Variants in SLC4A10 observed in about 807,000 individuals in gnomAD.
The protein encoded by SLC4A10 is sodium-driven chloride bicarbonate exchanger.
In SLC4A10, 42 loss-of-function variants were observed where a neutral mutation model predicts 137.7. The observed-to-expected ratio is 0.30, with a 90% CI of 0.24 to 0.39. The LOEUF is 0.39. Ranked by LOEUF, SLC4A10 falls within the 10% of genes least tolerant of loss-of-function variation. The probability of loss-of-function intolerance (pLI) is 1.00; values close to 1 mark genes in which losing one functional copy is unlikely to be tolerated. For synonymous variants in SLC4A10, 474 were observed against 464.1 expected (o/e 1.02, Z -0.27); for missense variants, 925 against 1,355.0 (o/e 0.68, Z 4.98).
At chr2:161,750,392 C>A (rs994767180) in intron 1 of SLC4A10, among the ~76,000 whole-genome samples, 11 of 151,450 alleles carry the variant, frequency 7.3e-5, no homozygotes, top group Non-Finnish European at 7.4e-5. Flanking sequence ...TTATTAATTT[C>A]TCTCTTAGTA....
At position 161,770,977 on chromosome 2, in the gene SLC4A10, A is replaced by C; in HGVS notation, c.53A>C (p.Asn18Thr). Residue 18 changes from asparagine (N) to threonine (T), a missense_variant, in exon 2 of 27, where the codon AAT (asparagine) becomes ACT (threonine). By Grantham distance (65) the Asn-to-Thr change is moderately conservative (BLOSUM62 0). Around this residue, in one of 11 missense-constraint regions of SLC4A10, gnomAD observed 138 missense variants for 171.3 expected, o/e 0.81. Coordinates refer to ENST00000446997, the MANE Select transcript of SLC4A10 (RefSeq NM_001178015.2). ...AQMEPLLPTR[N>T]DEEAVVDRGG... ...TTCCTTATCCTCATTTAACAGAGAA[A>C]TGATGAAGAAGCAGTTGTGGATAGA... 1 of 1,602,896 alleles carries C rather than the reference A, an allele frequency of 6.2e-7. No individual in the cohort carries two copies. The highest frequency in any genetic ancestry group is 1.3e-5 in the African/African-American group (1 of 74,768).
chr2:161,918,490 A>G (rs1427519491), intron 15 of SLC4A10, among the ~76,000 whole-genome samples: 1 of 152,200 alleles, frequency 6.6e-6, no homozygotes, highest in Non-Finnish European at 1.5e-5. Context: ...AAATAAAAAT[A>G]TAAGAATAGA....
At position 161,863,060 on chromosome 2, in the gene SLC4A10, A is replaced by G. The variant is rs2060523764; in HGVS notation, c.764A>G (p.Asn255Ser). The change falls in exon 6 of 27, where the codon AAT (asparagine) becomes AGT (serine). Residue 255 changes from asparagine (N) to serine (S), a missense_variant and splice_region_variant. Asn to Ser is a conservative substitution (Grantham distance 46). This residue lies in a region of SLC4A10 where 277 missense variants were observed against 306.1 expected (regional missense o/e 0.90). Transcript: ENST00000446997. ...KQSEPNSMDK[N>S]AGQVVSPQSA... Reference sequence around the variant, plus strand: ...TCAGAACCAAATTCCATGGACAAAAATGGTAAATGTTTATTTATTGTGCTC... The same window carrying G: ...TCAGAACCAAATTCCATGGACAAAAGTGGTAAATGTTTATTTATTGTGCTC... The G allele has an allele frequency of 6.2e-7, 1 of 1,613,522 alleles. No homozygotes were observed. Among genetic ancestry groups the G allele is most frequent in the Admixed American group, 1.7e-5 (1 of 59,986 alleles).
chr2:161,627,574 A>G (rs369196262), intron 1 of SLC4A10, among the ~76,000 whole-genome samples: 15 of 152,266 alleles, frequency 9.9e-5, no homozygotes, highest in East Asian at 3.9e-4. Flanking sequence ...TTAGTATAGT[A>G]TATATAAAGT....
chr2:161,819,180 C>T (rs2057396417), intron 3 of SLC4A10, among the ~76,000 whole-genome samples: 1 of 152,028 alleles, frequency 6.6e-6, no homozygotes, highest in East Asian at 1.9e-4. Context: ...AAGAATAGGC[C>T]TTTAATATAG....
intron 1 of SLC4A10, among the ~76,000 whole-genome samples, chr2:161,666,899 C>G (rs2039110047): frequency 1.3e-5 from 2 of 151,778 alleles, no homozygotes; most frequent in Non-Finnish European, 1.5e-5. Flanking sequence ...AAGTTATATT[C>G]TATTAATAGG....
At chr2:161,919,230 A>G (rs1167309076) in intron 15 of SLC4A10, among the ~76,000 whole-genome samples, 1 of 152,138 alleles carries the variant, frequency 6.6e-6, no homozygotes, top group Non-Finnish European at 1.5e-5. Flanking sequence ...GGCTTGGTGC[A>G]GGCCTGCTGG....
intron 1 of SLC4A10, among the ~76,000 whole-genome samples, chr2:161,712,513 C>A (rs2044398676): frequency 6.6e-6 from 1 of 151,774 alleles, no homozygotes; most frequent in Non-Finnish European, 1.5e-5. Context: ...AAGTCAAACA[C>A]AACTTGTTTT....
chr2:161,715,911 T>G (rs1170950233), intron 1 of SLC4A10, among the ~76,000 whole-genome samples: 1 of 152,180 alleles, frequency 6.6e-6, no homozygotes, highest in Non-Finnish European at 1.5e-5. Context: ...ATTGCCACAC[T>G]GTTTTCTACA....
At chr2:161,852,299 T>C (rs929740369) in intron 4 of SLC4A10, among the ~76,000 whole-genome samples, 1 of 152,224 alleles carries the variant, frequency 6.6e-6, no homozygotes. Context: ...TTAACAAAGT[T>C]CTTCAGTCAA....
At chr2:161,659,429 T>G (rs1006659927) in intron 1 of SLC4A10, among the ~76,000 whole-genome samples, 2 of 152,140 alleles carry the variant, frequency 1.3e-5, no homozygotes, top group South Asian at 4.1e-4. Context: ...AATTACTTTA[T>G]GGGTACAGTG....
chr2:161,648,195 G>A (rs2036318935), intron 1 of SLC4A10, among the ~76,000 whole-genome samples: 1 of 65,050 alleles, frequency 1.5e-5, no homozygotes, highest in African/African-American at 4.2e-5. Flanking sequence ...TCTTAATGTG[G>A]TCAACTTTTT....
At chr2:161,721,236 A>G (rs2045626063) in intron 1 of SLC4A10, among the ~76,000 whole-genome samples, 1 of 152,138 alleles carries the variant, frequency 6.6e-6, no homozygotes, top group African/African-American at 2.4e-5. Flanking sequence ...GATGCTAGCT[A>G]GTTATTTTGT....
At chr2:161,667,995 T>C (rs2039270101) in intron 1 of SLC4A10, among the ~76,000 whole-genome samples, 1 of 151,822 alleles carries the variant, frequency 6.6e-6, no homozygotes, top group South Asian at 2.1e-4. Flanking sequence ...ATAAACTGAC[T>C]TTAAAGGTAG....
chr2:161,929,718 T>C (rs1209102070), intron 15 of SLC4A10, among the ~76,000 whole-genome samples: 1 of 152,168 alleles, frequency 6.6e-6, no homozygotes, highest in Non-Finnish European at 1.5e-5. Flanking sequence ...GTTCAGTTTA[T>C]TGATGGAAAC....
intron 1 of SLC4A10, chr2:161,708,660 G>T: frequency 6.7e-7 from 1 of 1,485,432 alleles, no homozygotes; most frequent in Non-Finnish European, 8.9e-7. Flanking sequence ...AGATACTGAT[G>T]GACAGATCTG....
chr2:161,686,541 A>T (rs1379175437), intron 1 of SLC4A10, among the ~76,000 whole-genome samples: 1 of 152,210 alleles, frequency 6.6e-6, no homozygotes, highest in Non-Finnish European at 1.5e-5. Context: ...CTTATGTCAG[A>T]TAAATTTTAC....
chr2:161,804,568 G>C lies in SLC4A10; in HGVS notation c.250G>C (p.Glu84Gln). The C allele has an allele frequency of 1.2e-6, 2 of 1,611,882 alleles. No homozygotes were observed. The highest frequency in any genetic ancestry group is 1.7e-6 in the Non-Finnish European group (2 of 1,178,856). The change falls in exon 3 of 27, where the codon GAG (glutamate) becomes CAG (glutamine). Residue 84 changes from glutamate to glutamine, a missense_variant. Transcript: ENST00000446997. ...KRDRERDSGL[E>Q]DGRESPSFDT... Reference sequence around the variant, plus strand: ...AGACAGAGAAAGAGATTCAGGATTAGAGGATGGAAGGGAGTCACCTTCTTT... The same window carrying C: ...AGACAGAGAAAGAGATTCAGGATTACAGGATGGAAGGGAGTCACCTTCTTT...
chr2:161,892,416 T>A (rs540898921), intron 10 of SLC4A10, among the ~76,000 whole-genome samples: 22 of 152,080 alleles, frequency 1.4e-4, no homozygotes, highest in African/African-American at 5.3e-4. Context: ...ATTTTTAATA[T>A]TAAAAAAAAT....
Sources: gnomAD v4.1 joint callset for allele counts (sites outside exome capture counted in the v4.1 genomes callset) on GRCh38, gnomAD v4.1.1 for gene constraint, gnomAD v4.1.1 regional missense constraint, MANE v1.5 for transcripts, NCBI Gene and HGNC (gene_info 2026-07-23, HGNC 2026-07-21) for gene names.